Variants in ERICH3 observed in about 807,000 individuals in gnomAD.
ERICH3 encodes glutamate rich 3, also known as glutamate-rich protein 3.
In ERICH3, 126 loss-of-function variants were observed where a neutral mutation model predicts 131.1. That is an observed-to-expected ratio of 0.96 (90% CI 0.83 to 1.11). The LOEUF is 1.11. ERICH3 is among the 50% of genes most tolerant of loss of function. ERICH3 has a pLI of 0.00. For synonymous variants in ERICH3, 695 were observed against 644.6 expected (o/e 1.08, Z -1.18); for missense variants, 2,050 against 1,810.7 (o/e 1.13, Z -2.40).
rs138589492 is a variant in ERICH3 at position 74,572,144 on chromosome 1, T to G, written c.3566A>C (p.Glu1189Ala). 8 of 1,613,982 alleles carry G rather than the reference T, an allele frequency of 5.0e-6. No individual in the cohort carries two copies. The African/African-American group carries it at 1.1e-4, about 22-fold the overall frequency. ...GGACAGCTCTTCTCTGTCTTTGTGC[T>G]CTGTGTCTCTGGCTTCACTCAGTCT... ...GERLSEARDTEHKDREELSSR... is the reference protein window; with the variant it reads ...GERLSEARDTAHKDREELSSR... The change falls in exon 14 of 15, where the codon GAG (glutamate) becomes GCG (alanine). Residue 1189 changes from glutamate (E) to alanine (A), a missense_variant. By Grantham distance (107) the Glu-to-Ala change is moderately radical. Transcript: ENST00000326665.
At chr1:74,617,269 C>T (rs910371507) in intron 8 of ERICH3, among the ~76,000 whole-genome samples, 8 of 150,258 alleles carry the variant, frequency 5.3e-5, no homozygotes, top group Non-Finnish European at 8.9e-5. Flanking sequence ...AAAATAGCAC[C>T]TAAATATGTA....
At chr1:74,573,954 C>T (rs933742152) in intron 13 of ERICH3, among the ~76,000 whole-genome samples, 2 of 150,166 alleles carry the variant, frequency 1.3e-5, no homozygotes, top group African/African-American at 2.4e-5. Flanking sequence ...AGCATTTAAT[C>T]TTCATATAAA....
At chr1:74,666,576 T>G (rs150316073) in intron 1 of ERICH3, among the ~76,000 whole-genome samples, 1 of 152,198 alleles carries the variant, frequency 6.6e-6, no homozygotes, top group Admixed American at 6.5e-5. Context: ...TTTCCTGATA[T>G]GACAATTTGC....
At chr1:74,581,491 T>A (rs1207463386) in intron 12 of ERICH3, among the ~76,000 whole-genome samples, 5 of 152,306 alleles carry the variant, frequency 3.3e-5, no homozygotes, top group Non-Finnish European at 7.4e-5. Flanking sequence ...ATCCAGTGAA[T>A]TTTTTTCTCT....
At chr1:74,599,128 C>T (rs1647996909) in intron 11 of ERICH3, among the ~76,000 whole-genome samples, 1 of 151,860 alleles carries the variant, frequency 6.6e-6, no homozygotes, top group African/African-American at 2.4e-5. Context: ...GAAAGATACA[C>T]TGAACTGTGG....
At position 74,590,529 on chromosome 1, in the gene ERICH3, C is replaced by G. The variant is rs186280006; in HGVS notation, c.1727-449G>C. Reference sequence around the variant, plus strand: ...TCATAAGGAGCTCACAACCTAGAACCCTGGCATGTGCAGCTCACAATAGGG... The same window carrying G: ...TCATAAGGAGCTCACAACCTAGAACGCTGGCATGTGCAGCTCACAATAGGG... On this transcript the variant is annotated intron_variant, in intron 11 of 14. Transcript: ENST00000326665. Among the ~76,000 whole-genome samples, 3 of 152,304 alleles carry G rather than the reference C, an allele frequency of 2.0e-5. No homozygotes were observed. In the East Asian group the frequency reaches 5.8e-4, roughly 29 times the overall value.
intron 4 of ERICH3, among the ~76,000 whole-genome samples, chr1:74,642,745 A>G (rs1563291): frequency 0.02 from 3,064 of 151,894 alleles, 100 homozygotes; most frequent in African/African-American, 0.07. Flanking sequence ...CTTGGCCTCT[A>G]TCACAAGAAT....
rs1345651617 is a variant in ERICH3, at chr1:74,572,236, T to G, written c.3474A>C (p.Glu1158Asp). 6 of 1,614,010 alleles carry G rather than the reference T, an allele frequency of 3.7e-6. No homozygotes were observed. The highest frequency in any genetic ancestry group is 5.1e-6 in the Non-Finnish European group (6 of 1,180,024). The part of the protein sequence containing the change: ...SLKETVVPIF[E>D]ATPGFEKSLE... Reference sequence around the variant, plus strand: ...GCGACTTTTCAAATCCAGGCGTTGCTTCAAATATGGGAACCACTGTCTCTT... The same window carrying G: ...GCGACTTTTCAAATCCAGGCGTTGCGTCAAATATGGGAACCACTGTCTCTT... The change falls in exon 14 of 15, where the codon GAA (glutamate) becomes GAC (aspartate). Residue 1158 changes from glutamate to aspartate, a missense_variant. Physicochemically the swap from Glu to Asp is conservative, Grantham distance 45 (BLOSUM62 2). Coordinates refer to ENST00000326665, the MANE Select transcript of ERICH3 (RefSeq NM_001002912.5).
intron 1 of ERICH3, among the ~76,000 whole-genome samples, chr1:74,671,578 G>A (rs1646743840): frequency 6.6e-6 from 1 of 152,100 alleles, no homozygotes. Flanking sequence ...AAGAATCTAT[G>A]TTGAAATATT....
intron 12 of ERICH3, among the ~76,000 whole-genome samples, chr1:74,583,495 TTCTC>T (rs368745188): frequency 2.0e-5 from 3 of 151,282 alleles, no homozygotes; most frequent in Non-Finnish European, 3.0e-5. Flanking sequence ...CTCTCTCTCC[TTCTC>T]TCTCTCTCTG....
chr1:74,662,336 A>AGGAAAGAAGAACTATG (rs1557704891), intron 1 of ERICH3, among the ~76,000 whole-genome samples: 1 of 152,158 alleles, frequency 6.6e-6, no homozygotes, highest in East Asian at 1.9e-4. Flanking sequence ...CTTGACTGAA[A>AGGAAAGAAGAACTATG]GGAAAGAAGA....
chr1:74,643,241 C>A, intron 3 of ERICH3, 143 bp from the exon 4 acceptor site: 1 of 583,442 alleles, frequency 1.7e-6, no homozygotes. Context: ...TGCATCAGTG[C>A]ACAAGTGGGA....
At position 74,585,285 on chromosome 1, in the gene ERICH3, GA is replaced by G. The variant is rs368283508; in HGVS notation, c.2176+4345del. ...CCTGTAATACTGGATTAACACCCAAGAACACTGTCTGATTGCAGCTAGCAAT... is the reference window on the plus strand; with the variant it reads ...CCTGTAATACTGGATTAACACCCAAGACACTGTCTGATTGCAGCTAGCAAT... On this transcript the variant is annotated intron_variant, in intron 12 of 14. Transcript: ENST00000326665. Among the ~76,000 whole-genome samples, 181 of 152,246 alleles carry G rather than the reference GA, an allele frequency of 1.2e-3. 2 individuals are homozygous for G. The East Asian group carries it at 0.028, about 24-fold the overall frequency.
chr1:74,632,023 C>A (rs905591759), intron 6 of ERICH3, 95 bp from the exon 7 acceptor site: 7 of 1,088,434 alleles, frequency 6.4e-6, no homozygotes, highest in Non-Finnish European at 9.4e-6. Flanking sequence ...ATTGACATTG[C>A]ATGCAAACAC....
rs1184473775 is a variant in ERICH3, at chr1:74,572,803, A to G, written c.2907T>C (p.Gly969=). The change falls in exon 14 of 15, where the codon GGT becomes GGC. Residue 969 remains glycine (G), a synonymous_variant. Transcript: ENST00000326665. ...MEDTASKRED[G]SEEAILGGEE... is the part of the protein sequence containing the mutation. The stretch of plus-strand genomic sequence containing the variant: ...CTCCCCCAAGAATTGCCTCTTCAGA[A>G]CCGTCCTCTCTCTTTGATGCTGTGT... 23 of 1,613,626 alleles carry G rather than the reference A, an allele frequency of 1.4e-5. No homozygotes were observed. Among genetic ancestry groups the G allele is most frequent in the Non-Finnish European group, 1.9e-5 (22 of 1,179,966 alleles).
chr1:74,616,016 T>A (rs1648946502), intron 8 of ERICH3, among the ~76,000 whole-genome samples: 2 of 152,224 alleles, frequency 1.3e-5, no homozygotes, highest in Non-Finnish European at 2.9e-5. Context: ...GGTTTTGTTT[T>A]TTTGAGAAGG....
chr1:74,579,366 C>T (rs541640693), intron 12 of ERICH3: 130 of 982,400 alleles, frequency 1.3e-4, no homozygotes, highest in Non-Finnish European at 1.4e-4. Flanking sequence ...CTATAAGAAG[C>T]CAAACAATAC....
chr1:74,634,815 C>CT, intron 6 of ERICH3: 1 of 603,428 alleles, frequency 1.7e-6, no homozygotes, highest in Non-Finnish European at 3.0e-6. Flanking sequence ...TTTCTGGTAC[C>CT]TTTGGCTAGC....
chr1:74,668,520 G>T (rs983463698), intron 1 of ERICH3, among the ~76,000 whole-genome samples: 1 of 152,152 alleles, frequency 6.6e-6, no homozygotes, highest in Non-Finnish European at 1.5e-5. Context: ...GCTGTCATTT[G>T]AAAGATCATC....
Sources: gnomAD v4.1 joint callset for allele counts (sites outside exome capture counted in the v4.1 genomes callset) on GRCh38, gnomAD v4.1.1 for gene constraint, MANE v1.5 for transcripts, NCBI Gene and HGNC (gene_info 2026-07-23, HGNC 2026-07-21) for gene names.